The following PSMD6 variants were observed in gnomAD, a reference collection of about 807,000 sequenced individuals.
The protein encoded by PSMD6 is 26S proteasome non-ATPase regulatory subunit 6.
PSMD6 carries 7 observed loss-of-function variants against 44.9 expected under a neutral mutation model. The observed-to-expected ratio is 0.16, with a 90% CI of 0.09 to 0.29. PSMD6 has a LOEUF of 0.29. Ranked by LOEUF, PSMD6 falls within the 10% of genes least tolerant of loss-of-function variation. The pLI, the probability that PSMD6 is intolerant of heterozygous loss-of-function variation, is 1.00. For synonymous variants in PSMD6, 184 were observed against 172.7 expected (o/e 1.07, Z -0.51); for missense variants, 420 against 482.6 (o/e 0.87, Z 1.21).
chr3:64,013,777 G>C (rs528485000), intron 5 of PSMD6, 170 bp from the exon 6 acceptor site: 66 of 525,386 alleles, frequency 1.3e-4, no homozygotes, highest in African/African-American at 1.2e-3. Flanking sequence ...CAGTGATAAA[G>C]GAGGGGCCAG....
rs2075994146 is a variant in PSMD6, at chr3:64,013,445, A to G, written c.989T>C (p.Ile330Thr). ...TGGCATTATTCAAACTTACTGATCA[A>G]TGAATTCCACACCAACACCAAACGC... ...AEAFGVGVEFIDQELSRFIAA... is the reference protein window; with the variant it reads ...AEAFGVGVEFTDQELSRFIAA... The change falls in exon 6 of 8, where the codon ATT (isoleucine) becomes ACT (threonine). Residue 330 changes from isoleucine (I) to threonine (T), a missense_variant. By Grantham distance (89) the Ile-to-Thr change is moderately conservative. Transcript: ENST00000295901. 5 of 1,564,596 alleles carry G rather than the reference A, an allele frequency of 3.2e-6. No individual in the cohort carries two copies. The highest frequency in any genetic ancestry group is 4.3e-6 in the Non-Finnish European group (5 of 1,158,418).
At chr3:64,013,666 A>C in intron 5 of PSMD6, 59 bp from the exon 6 acceptor site, 1 of 1,461,574 alleles carries the variant, frequency 6.8e-7, no homozygotes, top group Admixed American at 2.3e-5. Flanking sequence ...AAAAGATTAA[A>C]AACTAAAGCA....
intron 2 of PSMD6, among the ~76,000 whole-genome samples, chr3:64,021,318 G>A (rs1242503573): frequency 1.3e-5 from 2 of 152,136 alleles, no homozygotes; most frequent in African/African-American, 4.8e-5. Flanking sequence ...CCAGATTTAT[G>A]TATGTTGGCA....
chr3:64,019,123 C>A (rs1443775305), intron 3 of PSMD6, 86 bp from the exon 4 acceptor site: 8 of 1,409,528 alleles, frequency 5.7e-6, no homozygotes, highest in African/African-American at 2.9e-5. Context: ...AATGAGAAAA[C>A]AACTTTTAAC....
chr3:64,011,232 G>C, intron 6 of PSMD6: 1 of 276,700 alleles, frequency 3.6e-6, no homozygotes, highest in Non-Finnish European at 6.7e-6. Context: ...TGTAGGTTAG[G>C]AAAAATTAGG....
chr3:64,023,351 G>A lies in PSMD6; in HGVS notation c.69C>T (p.Arg23=). The A allele has an allele frequency of 6.2e-7, 1 of 1,610,880 alleles. No individual in the cohort carries two copies. The highest frequency in any genetic ancestry group is 8.5e-7 in the Non-Finnish European group (1 of 1,178,596). The change falls in exon 1 of 8, where the codon CGC becomes CGT. Residue 23 remains arginine, a synonymous_variant. Transcript: ENST00000295901. ...KNPDLRIAQL[R]FLLSLPEHRG... ...GGTGCTCGGGCAGGCTGAGCAGGAA[G>A]CGCAGCTGCGCGATACGCAAGTCGG...
chr3:64,013,898 A>G (rs2076003010), intron 5 of PSMD6: 2 of 260,008 alleles, frequency 7.7e-6, no homozygotes, highest in Non-Finnish European at 1.4e-5. Flanking sequence ...TAATATTTTA[A>G]CCACGGAGAA....
In PSMD6 at chr3:64,010,614, A is replaced by ATAAAAATTCCAAATAATTATCTC. The variant is rs1177990224; in HGVS notation, c.*31_*53dup. The ATAAAAATTCCAAATAATTATCTC allele has an allele frequency of 9.8e-6, 13 of 1,328,312 alleles. No individual in the cohort carries two copies. The African/African-American group carries it at 1.6e-4, about 17-fold the overall frequency. 82.3% of individuals were successfully genotyped at this position (1,328,312 alleles called of 1,614,324 possible). A position where few individuals can be genotyped will look rare whatever the true frequency, so the allele number is the denominator to read the frequency against. On this transcript the variant is annotated 3_prime_UTR_variant, in exon 8 of 8. Transcript: ENST00000295901. ...ACCTGGGCACATTGTGAAGTAAGCT[A>ATAAAAATTCCAAATAATTATCTC]TAAAAATTCCAAATAATTATCTCTA...
At position 64,022,347 on chromosome 3, in the gene PSMD6, C is replaced by T; in HGVS notation, c.322G>A (p.Ala108Thr). Residue 108 changes from alanine to threonine, a missense_variant, in exon 2 of 8, where the codon GCC (alanine) becomes ACC (threonine). This residue lies in a region of PSMD6 where 216 missense variants were observed against 227.0 expected (regional missense o/e 0.95). Transcript: ENST00000295901. ...SEIRDAMMAK[A>T]EYLCRIGDKE... is the part of the protein sequence containing the mutation. ...TCACCTATCCGGCAGAGGTACTCGG[C>T]CTTTGCCATCATTGCATCGCGAATT... The T allele has an allele frequency of 1.2e-6, 2 of 1,614,218 alleles. No homozygotes were observed. The highest frequency in any genetic ancestry group is 1.7e-6 in the Non-Finnish European group (2 of 1,180,048).
In PSMD6 at chr3:64,019,040, A is replaced by G; in HGVS notation, c.498-3T>C. On this transcript the variant is annotated splice_region_variant and splice_polypyrimidine_tract_variant and intron_variant, in intron 3 of 7. Transcript: ENST00000295901. ...AGTCTCCTCCTTCTTCTATTAAGCTATGAAATAAAAACAGTAAGATCATAG... is the reference window on the plus strand; with the variant it reads ...AGTCTCCTCCTTCTTCTATTAAGCTGTGAAATAAAAACAGTAAGATCATAG... The G allele has an allele frequency of 6.3e-7, 1 of 1,589,060 alleles. No individual in the cohort carries two copies. Among genetic ancestry groups the G allele is most frequent in the Admixed American group, 1.7e-5 (1 of 59,956 alleles).
At chr3:64,022,803 T>C in intron 1 of PSMD6, 10 of 1,536,198 alleles carry the variant, frequency 6.5e-6, no homozygotes, top group Non-Finnish European at 8.7e-6. Context: ...TCCAAAAGTC[T>C]TCAAACAGGG....
At chr3:64,015,642 T>A (rs1325036997) in intron 5 of PSMD6, 2 of 152,070 alleles carry the variant, frequency 1.3e-5, no homozygotes, top group African/African-American at 4.8e-5. Context: ...GAAAAAAAGG[T>A]ACTTACAAAA....
At position 64,019,207 on chromosome 3, in the gene PSMD6, C is replaced by G. The variant is rs1018476143; in HGVS notation, c.497+89G>C. 3 of 1,468,758 alleles carry G rather than the reference C, an allele frequency of 2.0e-6. No homozygotes were observed. In the African/African-American group the frequency reaches 4.3e-5, roughly 21 times the overall value. The allele number at this position is 1,468,758 out of a possible 1,614,324, so 91.0% of individuals were successfully genotyped here. A position where few individuals can be genotyped will look rare whatever the true frequency, so the allele number is the denominator to read the frequency against. On this transcript the variant is annotated intron_variant, in intron 3 of 7. Transcript: ENST00000295901. Reference sequence around the variant, plus strand: ...TCAATTATTTGACCAAACTTACTAGCTGTAAACAAAACAGGCAGTTTCTTA... The same window carrying G: ...TCAATTATTTGACCAAACTTACTAGGTGTAAACAAAACAGGCAGTTTCTTA...
At chr3:64,019,576 TA>T in intron 2 of PSMD6, 135 bp from the exon 3 acceptor site, 2 of 869,860 alleles carry the variant, frequency 2.3e-6, no homozygotes, top group Non-Finnish European at 3.4e-6. Flanking sequence ...CATTAACTGT[TA>T]ATTGTTGAAG....
intron 6 of PSMD6, 80 bp downstream of exon 6, chr3:64,013,356 AAAC>A (rs2075992498): frequency 1.5e-6 from 2 of 1,352,278 alleles, no homozygotes; most frequent in African/African-American, 1.5e-5. Flanking sequence ...GAACCAATGT[AAAC>A]AAGTAAAAAA....
intron 2 of PSMD6, among the ~76,000 whole-genome samples, chr3:64,020,169 A>G (rs1209543446): frequency 6.6e-6 from 1 of 152,212 alleles, no homozygotes; most frequent in African/African-American, 2.4e-5. Context: ...GACTAATGAG[A>G]TATGTCAAAA....
chr3:64,018,661 G>T lies in PSMD6; in HGVS notation c.764C>A (p.Ala255Glu), dbSNP rs1195704025. The change falls in exon 5 of 8, where the codon GCA becomes GAA. Residue 255 changes from alanine to glutamate, a missense_variant. Around this residue, in one of 4 missense-constraint regions of PSMD6, gnomAD observed 216 missense variants for 227.0 expected, o/e 0.95. Coordinates refer to ENST00000295901, the MANE Select transcript of PSMD6 (RefSeq NM_014814.3). ...EILEVLHSLPAVRQYLFSLYE... is the reference protein window; with the variant it reads ...EILEVLHSLPEVRQYLFSLYE... ...GAGTGAAAACAGATACTGCCGAACTGCTGGAAGACTGTGCAACACTTCAAG... is the reference window on the plus strand; with the variant it reads ...GAGTGAAAACAGATACTGCCGAACTTCTGGAAGACTGTGCAACACTTCAAG... 8.1e-6 allele frequency: 13 copies of T among 1,606,918 alleles called. No homozygotes were observed. The Admixed American group carries it at 2.0e-4, about 25-fold the overall frequency.
intron 5 of PSMD6, chr3:64,018,214 C>G (rs2076077512): frequency 6.3e-6 from 1 of 158,402 alleles, no homozygotes; most frequent in South Asian, 1.8e-4. Flanking sequence ...CCATGAAGCT[C>G]AATACTTAAT....
At chr3:64,013,857 A>AACTT (rs2076001998) in intron 5 of PSMD6, 2 of 340,166 alleles carry the variant, frequency 5.9e-6, no homozygotes, top group East Asian at 4.8e-5. Flanking sequence ...CTTCTAAAGG[A>AACTT]ACTTGTTCAT....
Sources: gnomAD v4.1 joint callset for allele counts (sites outside exome capture counted in the v4.1 genomes callset) on GRCh38, gnomAD v4.1.1 for gene constraint, gnomAD v4.1.1 regional missense constraint, MANE v1.5 for transcripts, NCBI Gene and HGNC (gene_info 2026-07-23, HGNC 2026-07-21) for gene names.